LARGE1: variants seen among roughly 807,000 people sequenced by gnomAD.
LARGE1 encodes the protein LARGE xylosyl- and glucuronyltransferase 1.
In LARGE1, 43 loss-of-function variants were observed where a neutral mutation model predicts 87.6. That is an observed-to-expected ratio of 0.49 (90% confidence interval 0.38 to 0.63). LARGE1 has a LOEUF of 0.63. Ranked by LOEUF, LARGE1 falls within the 30% of genes least tolerant of loss-of-function variation. The probability of loss-of-function intolerance (pLI) is 0.00; values close to 1 mark genes in which losing one functional copy is unlikely to be tolerated. For synonymous variants in LARGE1, 434 were observed against 394.6 expected (o/e 1.10, Z -1.18); for missense variants, 802 against 1,000.2 (o/e 0.80, Z 2.67).
At chr22:33,788,708 C>T (rs1344822328) in intron 1 of LARGE1, among the ~76,000 whole-genome samples, 1 of 152,076 alleles carries the variant, frequency 6.6e-6, no homozygotes, top group Admixed American at 6.6e-5. Context: ...TGACATTTTG[C>T]CCCTGCCCTA....
intron 11 of LARGE1, among the ~76,000 whole-genome samples, chr22:33,168,346 A>G (rs1922384992): frequency 6.6e-6 from 1 of 152,236 alleles, no homozygotes; most frequent in South Asian, 2.1e-4. Context: ...AGCTGTATAT[A>G]TAAGGCCAAA....
At chr22:33,443,347 C>T (rs2067559539) in intron 6 of LARGE1, among the ~76,000 whole-genome samples, 1 of 152,158 alleles carries the variant, frequency 6.6e-6, no homozygotes, top group South Asian at 2.1e-4. Context: ...CGGGCATCAC[C>T]ATGGGGTAGA....
At chr22:33,723,104 T>C (rs573772024) in intron 2 of LARGE1, among the ~76,000 whole-genome samples, 3 of 152,020 alleles carry the variant, frequency 2.0e-5, no homozygotes, top group African/African-American at 7.2e-5. Flanking sequence ...GGCTGGAGGA[T>C]AAAAGGAGGC....
chr22:33,238,452 A>G (rs1168436511), intron 11 of LARGE1, among the ~76,000 whole-genome samples: 2 of 152,204 alleles, frequency 1.3e-5, no homozygotes, highest in East Asian at 3.8e-4. Flanking sequence ...TATATTTAGT[A>G]TACCAAATAT....
At chr22:33,233,758 T>C (rs1926122836) in intron 11 of LARGE1, among the ~76,000 whole-genome samples, 1 of 152,308 alleles carries the variant, frequency 6.6e-6, no homozygotes, top group Non-Finnish European at 1.5e-5. Context: ...TGGTAACCAA[T>C]GGAAATTTAT....
At chr22:33,727,014 C>T (rs1380493269) in intron 2 of LARGE1, among the ~76,000 whole-genome samples, 4 of 152,016 alleles carry the variant, frequency 2.6e-5, no homozygotes, top group African/African-American at 4.8e-5. Flanking sequence ...TTGGAAAAGC[C>T]GGGTAGGGAG....
chr22:33,735,933 T>G (rs2083640082), intron 2 of LARGE1, among the ~76,000 whole-genome samples: 1 of 152,252 alleles, frequency 6.6e-6, no homozygotes, highest in South Asian at 2.1e-4. Flanking sequence ...GTAGCGTGTT[T>G]TCAAATTTCA....
At chr22:33,777,638 G>A (rs1253612094) in intron 1 of LARGE1, among the ~76,000 whole-genome samples, 5 of 132,228 alleles carry the variant, frequency 3.8e-5, no homozygotes, top group Non-Finnish European at 8.1e-5. Flanking sequence ...GAGGGAGGGA[G>A]GGGAAGGGGG....
intron 1 of LARGE1, among the ~76,000 whole-genome samples, chr22:33,856,963 C>T (rs2063773498): frequency 6.6e-6 from 1 of 152,096 alleles, no homozygotes; most frequent in Non-Finnish European, 1.5e-5. Context: ...CAGAGTCTCG[C>T]TCTGTTGCCC....
At chr22:33,535,767 C>T (rs534067186) in intron 6 of LARGE1, among the ~76,000 whole-genome samples, 1 of 152,222 alleles carries the variant, frequency 6.6e-6, no homozygotes, top group Admixed American at 6.5e-5. Context: ...AGTCAATCAG[C>T]CCACTCCTTG....
chr22:33,106,181 G>A, the LARGE1 span: 115,075 of 152,126 alleles, frequency 0.76, 44,138 homozygotes, highest in Middle Eastern at 0.86. Flanking sequence ...GTCTGGTTCA[G>A]TCAGCACCCA....
At chr22:33,721,585 G>A (rs1471225916) in intron 2 of LARGE1, among the ~76,000 whole-genome samples, 1 of 152,216 alleles carries the variant, frequency 6.6e-6, no homozygotes, top group East Asian at 1.9e-4. Flanking sequence ...TGTCTTTAAA[G>A]ACGATCTTCT....
At position 33,539,541 on chromosome 22, in the gene LARGE1, T is replaced by C. The variant is rs549187325; in HGVS notation, c.787+25307A>G. 2.6e-4 allele frequency among the ~76,000 whole-genome samples: 39 copies of C among 152,186 alleles called. 2 individuals carry two copies. In the South Asian group the frequency reaches 2.9e-3, roughly 11 times the overall value. On this transcript the variant is annotated intron_variant, in intron 6 of 14. Coordinates refer to ENST00000397394, the MANE Select transcript of LARGE1 (RefSeq NM_133642.5). The stretch of plus-strand genomic sequence containing the variant: ...CTACAATGCAATTTCCTTTAGATTG[T>C]CACAATCAAGATCAGAATATCTAGA...
chr22:33,069,465 A>G, the LARGE1 span, among the ~76,000 whole-genome samples: 1 of 152,122 alleles, frequency 6.6e-6, no homozygotes. Flanking sequence ...TTAGACTCTG[A>G]AACTGGGCTG....
In LARGE1 at chr22:33,709,282, C is replaced by A. The variant is rs2082654735; in HGVS notation, c.106+52089G>T. On this transcript the variant is annotated intron_variant, in intron 2 of 14. Coordinates refer to ENST00000397394, the MANE Select transcript of LARGE1 (RefSeq NM_133642.5). Reference sequence around the variant, plus strand: ...GGTTTAAAATCCAGACCTCCAAGACCCTGAAAACACGATCCCACCACGCCA... The same window carrying A: ...GGTTTAAAATCCAGACCTCCAAGACACTGAAAACACGATCCCACCACGCCA... Among the ~76,000 whole-genome samples the A allele has an allele frequency of 3.3e-5, 5 of 152,146 alleles. No individual in the cohort carries two copies. In the South Asian group the frequency reaches 1.0e-3, roughly 32 times the overall value.
intron 7 of LARGE1, among the ~76,000 whole-genome samples, chr22:33,427,179 C>T (rs927896069): frequency 2.0e-5 from 3 of 152,234 alleles, no homozygotes; most frequent in Non-Finnish European, 4.4e-5. Context: ...TGAATGACAG[C>T]TTCTTGCATC....
At chr22:33,827,457 A>G (rs1202729698) in intron 1 of LARGE1, among the ~76,000 whole-genome samples, 1 of 152,204 alleles carries the variant, frequency 6.6e-6, no homozygotes, top group Non-Finnish European at 1.5e-5. Context: ...AACTTTTGGC[A>G]CATGGACTGC....
rs140375487 is a variant in LARGE1 at position 33,823,706 on chromosome 22, T to C, written c.-82-62148A>G. ...CACAGCCAATGACTTCTCCTGCCCATTGTGCCTTCCCCATAGATAGTGAGG... is the reference window on the plus strand; with the variant it reads ...CACAGCCAATGACTTCTCCTGCCCACTGTGCCTTCCCCATAGATAGTGAGG... On this transcript the variant is annotated intron_variant, in intron 1 of 14. Coordinates refer to ENST00000397394, the MANE Select transcript of LARGE1 (RefSeq NM_133642.5). Among the ~76,000 whole-genome samples the C allele has an allele frequency of 3.0e-4, 46 of 152,318 alleles. No individual in the cohort carries two copies. In the East Asian group the frequency reaches 3.7e-3, roughly 12 times the overall value.
intron 1 of LARGE1, among the ~76,000 whole-genome samples, chr22:33,821,513 A>C (rs2086815777): frequency 6.6e-6 from 1 of 152,156 alleles, no homozygotes; most frequent in Admixed American, 6.5e-5. Context: ...CTGACTAATG[A>C]GATGGTAAGG....
Sources: allele counts gnomAD v4.1 joint callset (sites outside exome capture counted in the v4.1 genomes callset), GRCh38; gene constraint gnomAD v4.1.1; transcripts MANE v1.5; gene names NCBI Gene and HGNC (gene_info 2026-07-23, HGNC 2026-07-21).